Variants in SPATS2L observed in about 807,000 individuals in gnomAD.
The protein encoded by SPATS2L is SPATS2-like protein.
A neutral mutation model predicts 59.6 loss-of-function variants in SPATS2L; 30 were observed. That is an observed-to-expected ratio of 0.50 (90% CI 0.38 to 0.68). SPATS2L has a LOEUF of 0.68. SPATS2L is among the 30% of genes least tolerant of loss of function. The pLI, the probability that SPATS2L is intolerant of heterozygous loss-of-function variation, is 0.00. For synonymous variants in SPATS2L, 252 were observed against 263.5 expected, an observed-to-expected ratio of 0.96 and a Z score of 0.42; for missense variants, 615 against 700.0, an observed-to-expected ratio of 0.88 and a Z score of 1.37.
chr2:200,384,346 T>G (rs1466168375), intron 2 of SPATS2L, among the ~76,000 whole-genome samples: 2 of 151,496 alleles, frequency 1.3e-5, no homozygotes, highest in African/African-American at 2.4e-5. Context: ...TTTTATTTAT[T>G]TATTTATTTA....
intron 2 of SPATS2L, chr2:200,378,501 C>G: frequency 3.5e-6 from 2 of 571,560 alleles, no homozygotes; most frequent in South Asian, 7.9e-5. Context: ...GTATTTCTTT[C>G]CCACCAAGTG....
At chr2:200,369,078 T>A (rs1470615275) in intron 2 of SPATS2L, among the ~76,000 whole-genome samples, 9 of 126,278 alleles carry the variant, frequency 7.1e-5, no homozygotes, top group Non-Finnish European at 5.3e-5. Context: ...TTGATAGTTC[T>A]AAAAAAAAAA....
intron 2 of SPATS2L, among the ~76,000 whole-genome samples, chr2:200,367,252 T>A (rs570350409): frequency 1.3e-5 from 2 of 152,308 alleles, no homozygotes; most frequent in Admixed American, 1.3e-4. Context: ...TGGGTTTTTT[T>A]CCCCCACTCT....
chr2:200,467,013 G>A (rs973281297), intron 9 of SPATS2L, among the ~76,000 whole-genome samples: 1 of 152,314 alleles, frequency 6.6e-6, no homozygotes, highest in East Asian at 1.9e-4. Context: ...AATTCCGTAA[G>A]TGAGGTCAGA....
intron 2 of SPATS2L, among the ~76,000 whole-genome samples, chr2:200,343,026 G>A (rs1449212831): frequency 1.3e-5 from 2 of 152,192 alleles, no homozygotes; most frequent in Non-Finnish European, 2.9e-5. Context: ...TAAGGTACTT[G>A]TTGATTTTGC....
chr2:200,406,734 G>A (rs556921483), intron 3 of SPATS2L, among the ~76,000 whole-genome samples: 3 of 152,274 alleles, frequency 2.0e-5, no homozygotes, highest in South Asian at 2.1e-4. Context: ...GTTTATATCC[G>A]TTTCCCTCTC....
intron 6 of SPATS2L, among the ~76,000 whole-genome samples, chr2:200,435,501 A>G (rs889959842): frequency 6.6e-6 from 1 of 152,140 alleles, no homozygotes; most frequent in African/African-American, 2.4e-5. Flanking sequence ...CCAGAGACTC[A>G]TATCAAACGA....
At chr2:200,306,502 C>T (rs2105728910), upstream of SPATS2L, 1 of 1,002,202 alleles carries the variant, frequency 1.0e-6, no homozygotes, top group East Asian at 1.2e-4. Context: ...AGATCTGTGT[C>T]AGAACGTGCG....
At chr2:200,389,525 G>A (rs1313368042) in intron 3 of SPATS2L, 8 of 391,712 alleles carry the variant, frequency 2.0e-5, no homozygotes, top group Non-Finnish European at 9.2e-6. Flanking sequence ...AGAAGATACT[G>A]TTGTTATTTC....
At chr2:200,395,405 A>C (rs546089314) in intron 3 of SPATS2L, among the ~76,000 whole-genome samples, 17 of 152,326 alleles carry the variant, frequency 1.1e-4, no homozygotes, top group African/African-American at 3.8e-4. Flanking sequence ...AGTGACCTCT[A>C]AGCCACTTTA....
intron 11 of SPATS2L, among the ~76,000 whole-genome samples, chr2:200,471,268 T>TC (rs1487781073): frequency 6.6e-6 from 1 of 152,044 alleles, no homozygotes; most frequent in Admixed American, 6.6e-5. Context: ...AAATTATTGT[T>TC]CCCCCCTGTA....
intron 1 of SPATS2L, chr2:200,309,028 C>T (rs1476897237): frequency 1.4e-6 from 1 of 717,646 alleles, no homozygotes; most frequent in African/African-American, 1.7e-5. Context: ...AATACTTAGG[C>T]CACACCGTTG....
intron 1 of SPATS2L, among the ~76,000 whole-genome samples, chr2:200,326,514 TTGTCCTCTTTGAGGAAAGA>T (rs1338307435): frequency 1.3e-5 from 2 of 152,182 alleles, no homozygotes; most frequent in South Asian, 2.1e-4. Flanking sequence ...TTCCTCAAAG[TTGTCCTCTTTGAGGAAAGA>T]TGTCCTCTTT....
intron 3 of SPATS2L, among the ~76,000 whole-genome samples, chr2:200,404,740 TG>T (rs2082637440): frequency 6.6e-6 from 1 of 152,196 alleles, no homozygotes; most frequent in African/African-American, 2.4e-5. Flanking sequence ...GAAGTCCGAA[TG>T]GGTCTCATTG....
At chr2:200,462,817 T>G (rs1449758531) in intron 9 of SPATS2L, among the ~76,000 whole-genome samples, 1 of 152,068 alleles carries the variant, frequency 6.6e-6, no homozygotes, top group Admixed American at 6.6e-5. Flanking sequence ...TTCTAGCTAT[T>G]CTAGAGGATG....
intron 2 of SPATS2L, among the ~76,000 whole-genome samples, chr2:200,364,163 T>G (rs1235939346): frequency 6.6e-6 from 1 of 152,054 alleles, no homozygotes; most frequent in Admixed American, 6.6e-5. Context: ...AGGAAACAGA[T>G]CCTTCTCTAG....
At chr2:200,326,827 C>T (rs1291013230) in intron 1 of SPATS2L, among the ~76,000 whole-genome samples, 2 of 151,752 alleles carry the variant, frequency 1.3e-5, no homozygotes, top group Non-Finnish European at 2.9e-5. Flanking sequence ...CTCTGCCTTC[C>T]CAGTTCAAGC....
At chr2:200,325,276 CCTT>C (rs1429729920) in intron 1 of SPATS2L, among the ~76,000 whole-genome samples, 5 of 152,166 alleles carry the variant, frequency 3.3e-5, no homozygotes, top group Admixed American at 2.0e-4. Context: ...CTGCTTTAAT[CCTT>C]CTCCCAAATT....
chr2:200,446,288 T>C (rs1327584616), intron 8 of SPATS2L, among the ~76,000 whole-genome samples: 1 of 152,196 alleles, frequency 6.6e-6, no homozygotes, highest in Non-Finnish European at 1.5e-5. Context: ...TGAGCCATGT[T>C]CGTGTCACTG....
Sources: gnomAD v4.1 joint callset for allele counts (sites outside exome capture counted in the v4.1 genomes callset) on GRCh38, gnomAD v4.1.1 for gene constraint, MANE v1.5 for transcripts, NCBI Gene and HGNC (gene_info 2026-07-23, HGNC 2026-07-21) for gene names.